The following ERC2 variants were observed in gnomAD, a reference collection of about 807,000 sequenced individuals.
ERC2 encodes the protein ERC protein 2.
Under a neutral mutation model 114.8 loss-of-function variants are expected in ERC2, and 42 were observed. The observed-to-expected ratio is 0.37, with a 90% CI of 0.29 to 0.47. ERC2 has a LOEUF of 0.47. ERC2 is among the 20% of genes least tolerant of loss of function. The pLI, the probability that ERC2 is intolerant of heterozygous loss-of-function variation, is 0.99. For synonymous variants in ERC2, 454 were observed against 425.5 expected (o/e 1.07, Z -0.82); for missense variants, 939 against 1,150.7 (o/e 0.82, Z 2.66).
chr3:56,186,790 C>T (rs1448530844), intron 3 of ERC2, among the ~76,000 whole-genome samples: 2 of 152,174 alleles, frequency 1.3e-5, no homozygotes, highest in Non-Finnish European at 2.9e-5. Flanking sequence ...CTGCCCACCT[C>T]GGCCTCCCAA....
At chr3:55,724,093 A>C (rs1013102170) in intron 15 of ERC2, among the ~76,000 whole-genome samples, 10 of 152,010 alleles carry the variant, frequency 6.6e-5, no homozygotes, top group Middle Eastern at 3.4e-3. Flanking sequence ...TTTCCAACAG[A>C]TACCTTGAGA....
intron 13 of ERC2, among the ~76,000 whole-genome samples, chr3:55,900,930 AG>A: frequency 1.3e-5 from 2 of 152,360 alleles, no homozygotes; most frequent in East Asian, 3.9e-4. Flanking sequence ...AAGCTCAGAA[AG>A]GGTAAAGGAT....
intron 17 of ERC2, among the ~76,000 whole-genome samples, chr3:55,562,905 A>G (rs957585059): frequency 4.6e-5 from 7 of 152,230 alleles, no homozygotes; most frequent in Non-Finnish European, 8.8e-5. Context: ...TTTTATGAAC[A>G]TGCACATTCC....
chr3:56,070,046 T>C (rs977462142), intron 7 of ERC2, among the ~76,000 whole-genome samples: 4 of 152,232 alleles, frequency 2.6e-5, no homozygotes, highest in East Asian at 3.8e-4. Context: ...TTTATACTTA[T>C]GGGAAACTAA....
intron 5 of ERC2, among the ~76,000 whole-genome samples, chr3:56,145,939 A>G (rs1218690802): frequency 6.6e-6 from 1 of 152,080 alleles, no homozygotes; most frequent in Non-Finnish European, 1.5e-5. Flanking sequence ...ATTCATTTTA[A>G]TAGTAATGCA....
chr3:56,428,755 T>C (rs2061675701), intron 2 of ERC2, among the ~76,000 whole-genome samples: 1 of 152,236 alleles, frequency 6.6e-6, no homozygotes, highest in Non-Finnish European at 1.5e-5. Context: ...TCTTTCCTAA[T>C]GTGTTAAGCC....
At chr3:55,624,810 G>T (rs2059448309) in intron 17 of ERC2, among the ~76,000 whole-genome samples, 1 of 151,834 alleles carries the variant, frequency 6.6e-6, no homozygotes, top group South Asian at 2.1e-4. Flanking sequence ...GAAAAAGGAA[G>T]AAAAAAAATG....
At chr3:56,067,653 G>A (rs568366031) in intron 7 of ERC2, among the ~76,000 whole-genome samples, 27 of 152,010 alleles carry the variant, frequency 1.8e-4, no homozygotes, top group East Asian at 1.9e-4. Flanking sequence ...AGCTTTTGCC[G>A]ATTCATGATA....
chr3:56,388,839 C>T (rs2060027855), intron 2 of ERC2, among the ~76,000 whole-genome samples: 1 of 152,138 alleles, frequency 6.6e-6, no homozygotes, highest in Non-Finnish European at 1.5e-5. Context: ...GCATTCAATA[C>T]CTTGCTTATA....
chr3:56,301,082 C>A (rs1262816539), intron 2 of ERC2, among the ~76,000 whole-genome samples: 1 of 152,128 alleles, frequency 6.6e-6, no homozygotes, highest in African/African-American at 2.4e-5. Flanking sequence ...GACCCCATAT[C>A]TATTTAAAAA....
intron 15 of ERC2, among the ~76,000 whole-genome samples, chr3:55,704,950 C>T (rs1181464170): frequency 1.3e-5 from 2 of 152,154 alleles, no homozygotes; most frequent in Non-Finnish European, 2.9e-5. Flanking sequence ...TTCTTGGGGC[C>T]CTCTTTTACA....
intron 7 of ERC2, among the ~76,000 whole-genome samples, chr3:56,060,396 G>T (rs564300163): frequency 1.4e-4 from 21 of 152,276 alleles, no homozygotes; most frequent in African/African-American, 2.4e-4. Flanking sequence ...ACCCTTTAAA[G>T]GTTGTCATTA....
At chr3:56,265,778 C>T (rs1455165415) in intron 3 of ERC2, among the ~76,000 whole-genome samples, 2 of 151,970 alleles carry the variant, frequency 1.3e-5, no homozygotes, top group African/African-American at 2.4e-5. Context: ...CCTGTAATCC[C>T]GACACTTTGG....
intron 14 of ERC2, among the ~76,000 whole-genome samples, chr3:55,887,739 A>G (rs989835020): frequency 2.0e-5 from 3 of 152,186 alleles, no homozygotes; most frequent in Admixed American, 2.0e-4. Context: ...AGGAACAACC[A>G]TTTCCCAGCA....
chr3:55,843,781 G>C (rs2061235905), intron 14 of ERC2, among the ~76,000 whole-genome samples: 2 of 152,146 alleles, frequency 1.3e-5, no homozygotes, highest in Admixed American at 6.5e-5. Context: ...CTTTGCAAAG[G>C]CTCCAGTTGT....
rs550307741 is a variant in ERC2, at chr3:56,217,085, A to G, written c.1075-43565T>C. Among the ~76,000 whole-genome samples, 26 of 152,340 alleles carry G rather than the reference A, an allele frequency of 1.7e-4. No homozygotes were observed. The South Asian group carries it at 3.7e-3, about 22-fold the overall frequency. ...CATTCCCTTTTAAAACTGGCACAAG[A>G]CAGGGATGCCCTCTCACCACTCCTA... On this transcript the variant is annotated intron_variant, in intron 3 of 17. Coordinates refer to ENST00000288221, the MANE Select transcript of ERC2 (RefSeq NM_015576.3).
intron 12 of ERC2, among the ~76,000 whole-genome samples, chr3:55,960,904 G>A (rs1387743397): frequency 1.3e-5 from 2 of 152,250 alleles, no homozygotes; most frequent in Admixed American, 1.3e-4. Context: ...GGAGGCCGAG[G>A]GAGGTGGATC....
At chr3:56,463,611 C>T (rs985983166) in intron 1 of ERC2, among the ~76,000 whole-genome samples, 1 of 152,192 alleles carries the variant, frequency 6.6e-6, no homozygotes, top group Non-Finnish European at 1.5e-5. Context: ...AAGCACAGTG[C>T]CTAACACATA....
intron 12 of ERC2, among the ~76,000 whole-genome samples, chr3:55,962,042 C>T (rs911945173): frequency 6.6e-6 from 1 of 152,136 alleles, no homozygotes; most frequent in Non-Finnish European, 1.5e-5. Flanking sequence ...CTAGTGAGTA[C>T]TGTTAGCTGG....
Sources: allele counts gnomAD v4.1 joint callset (sites outside exome capture counted in the v4.1 genomes callset), GRCh38; gene constraint gnomAD v4.1.1; transcripts MANE v1.5; gene names NCBI Gene and HGNC (gene_info 2026-07-23, HGNC 2026-07-21).